The following LINGO1 variants were observed in gnomAD, a reference collection of about 807,000 sequenced individuals.
LINGO1 encodes the protein leucine-rich repeat and immunoglobulin-like domain-containing nogo receptor-interacting protein 1.
A neutral mutation model predicts 37.3 loss-of-function variants in LINGO1; 11 were observed. The ratio of observed to expected loss-of-function variants is 0.29; its 90% confidence interval spans 0.19 to 0.49. LINGO1 has a LOEUF of 0.49. LINGO1 is among the 20% of genes least tolerant of loss of function. LINGO1 has a pLI of 0.99. For missense variants in LINGO1, 585 were observed against 878.2 expected, an observed-to-expected ratio of 0.67 and a Z score of 4.22; for synonymous variants, 387 against 403.0, an observed-to-expected ratio of 0.96 and a Z score of 0.48.
rs528022802 is a variant in LINGO1 at position 77,811,342 on chromosome 15, AG to A, written c.-458+8915del. Among the ~76,000 whole-genome samples the A allele has an allele frequency of 8.5e-5, 13 of 152,356 alleles. No homozygotes were observed. The South Asian group carries it at 2.5e-3, about 29-fold the overall frequency. ...ACAAGAGAGATAATTAACCTAAAAGAGGGTCACTTCCTGTTTCCAGGTGGAC... is the reference window on the plus strand; with the variant it reads ...ACAAGAGAGATAATTAACCTAAAAGAGGTCACTTCCTGTTTCCAGGTGGAC... On this transcript the variant is annotated intron_variant, in intron 1 of 5. Coordinates refer to the LINGO1 transcript ENST00000562933.
intron 1 of LINGO1, among the ~76,000 whole-genome samples, chr15:77,691,720 A>G (rs1022647489): frequency 6.6e-6 from 1 of 151,520 alleles, no homozygotes; most frequent in African/African-American, 2.4e-5. Context: ...ACACTCCACG[A>G]CAGAGATGAC....
chr15:77,813,524 T>C (rs560429218), intron 1 of LINGO1, among the ~76,000 whole-genome samples: 1 of 152,248 alleles, frequency 6.6e-6, no homozygotes, highest in East Asian at 1.9e-4. Context: ...GGAAGGTCTG[T>C]CCATGGTTTC....
chr15:77,763,768 C>G (rs188128419), intron 1 of LINGO1, among the ~76,000 whole-genome samples: 102 of 152,270 alleles, frequency 6.7e-4, no homozygotes, highest in Non-Finnish European at 1.1e-3. Flanking sequence ...CCTGAGGGTC[C>G]GGAGCTGTTA....
intron 1 of LINGO1, among the ~76,000 whole-genome samples, chr15:77,769,926 G>C (rs2076567580): frequency 6.6e-6 from 1 of 152,180 alleles, no homozygotes; most frequent in Non-Finnish European, 1.5e-5. Flanking sequence ...AAGAAACCGA[G>C]ACTCAGTGTG....
chr15:77,769,653 C>T (rs990615509), intron 1 of LINGO1, among the ~76,000 whole-genome samples: 1 of 152,120 alleles, frequency 6.6e-6, no homozygotes, highest in Non-Finnish European at 1.5e-5. Flanking sequence ...CTGCCAAGCA[C>T]CTCAGCCCCC....
rs552501696 is a variant in LINGO1 at position 77,816,250 on chromosome 15, C to T, written c.-458+4008G>A. On this transcript the variant is annotated intron_variant, in intron 1 of 5. Coordinates refer to the LINGO1 transcript ENST00000562933. ...AGGGGCCCAGGCTCATCACTGGTAT[C>T]CCCAGCACTCAGTCCAGGTCTCAAG... Among the ~76,000 whole-genome samples, 38 of 152,328 alleles carry T rather than the reference C, an allele frequency of 2.5e-4. 1 individual carries two copies. The highest frequency in any genetic ancestry group is 4.6e-4 in the Admixed American group (7 of 15,308).
At chr15:77,674,627 T>C (rs1403928637) in intron 3 of LINGO1, among the ~76,000 whole-genome samples, 1 of 152,086 alleles carries the variant, frequency 6.6e-6, no homozygotes, top group Non-Finnish European at 1.5e-5. Context: ...CTGTTCCCTC[T>C]GTTTGGAAGG....
At chr15:77,715,506 A>G (rs186538058) in intron 2 of LINGO1, among the ~76,000 whole-genome samples, 147 of 152,336 alleles carry the variant, frequency 9.6e-4, no homozygotes, top group African/African-American at 3.4e-3. Context: ...TTGGGCCACA[A>G]GAAGAGTGGA....
chr15:77,802,926 C>T (rs1468256568), intron 1 of LINGO1, among the ~76,000 whole-genome samples: 1 of 152,208 alleles, frequency 6.6e-6, no homozygotes, highest in East Asian at 1.9e-4. Context: ...TGGGGCCCAT[C>T]CCCAAGTGGC....
Position 77,613,423 on chromosome 15 carries a change from C to G in LINGO1, c.*621G>C, listed in dbSNP as rs1274024910. 2.6e-5 allele frequency: 4 copies of G among 154,224 alleles called. No homozygotes were observed. Among genetic ancestry groups the G allele is most frequent in the Non-Finnish European group, 4.3e-5 (3 of 69,376 alleles). 9.6% of individuals were successfully genotyped at this position (154,224 alleles called of 1,614,324 possible). The stretch of plus-strand genomic sequence containing the variant: ...CCCTCCACCTGCGCCCTGCAAAAAG[C>G]CAGCCCGGAGCTGGGCCCAGGCCTG... On this transcript the variant is annotated 3_prime_UTR_variant, in exon 2 of 2. Transcript: ENST00000355300.
intron 1 of LINGO1, among the ~76,000 whole-genome samples, chr15:77,819,077 C>G (rs1406682320): frequency 6.6e-6 from 1 of 151,162 alleles, no homozygotes; most frequent in African/African-American, 2.4e-5. Context: ...GCCGAGCACG[C>G]CCCCTCCCAG....
At chr15:77,752,843 T>C (rs564735413) in intron 1 of LINGO1, among the ~76,000 whole-genome samples, 1 of 152,280 alleles carries the variant, frequency 6.6e-6, no homozygotes, top group East Asian at 1.9e-4. Context: ...CCTGAGCCCA[T>C]TGGATGGACT....
At chr15:77,750,721 T>C (rs1305460394) in intron 1 of LINGO1, among the ~76,000 whole-genome samples, 1 of 152,230 alleles carries the variant, frequency 6.6e-6, no homozygotes, top group African/African-American at 2.4e-5. Flanking sequence ...CCCAAAGATA[T>C]TTTTTCACTC....
chr15:77,672,926 A>G (rs775365338), intron 3 of LINGO1, among the ~76,000 whole-genome samples: 2 of 152,160 alleles, frequency 1.3e-5, no homozygotes, highest in Non-Finnish European at 2.9e-5. Context: ...CTCCCCAGGC[A>G]AAGATCAATG....
At chr15:77,625,068 C>T (rs1253974802) in intron 1 of LINGO1, among the ~76,000 whole-genome samples, 1 of 152,210 alleles carries the variant, frequency 6.6e-6, no homozygotes, top group Non-Finnish European at 1.5e-5. Context: ...CTCTCTGCAG[C>T]CCCAGCCGTC....
chr15:77,807,436 C>T (rs2141473267), intron 1 of LINGO1, among the ~76,000 whole-genome samples: 1 of 152,332 alleles, frequency 6.6e-6, no homozygotes, highest in East Asian at 1.9e-4. Flanking sequence ...CCGGGTGCAG[C>T]AGCCAGTCCT....
At chr15:77,704,577 C>T (rs1483243856) in intron 2 of LINGO1, among the ~76,000 whole-genome samples, 2 of 150,636 alleles carry the variant, frequency 1.3e-5, no homozygotes, top group African/African-American at 5.0e-5. Context: ...ACACTGAGCT[C>T]TGACCCTGGT....
chr15:77,726,318 T>C (rs906577428), intron 2 of LINGO1, among the ~76,000 whole-genome samples: 7 of 152,206 alleles, frequency 4.6e-5, no homozygotes, highest in Non-Finnish European at 1.0e-4. Flanking sequence ...ATCCCTGCAG[T>C]GGGCTGCCTC....
At chr15:77,717,477 C>T (rs535094399) in intron 2 of LINGO1, among the ~76,000 whole-genome samples, 1 of 150,850 alleles carries the variant, frequency 6.6e-6, no homozygotes, top group Non-Finnish European at 1.5e-5. Flanking sequence ...CACCCCAGCC[C>T]TGCTCACAGT....
Sources: gnomAD v4.1 joint callset for allele counts (sites outside exome capture counted in the v4.1 genomes callset) on GRCh38, gnomAD v4.1.1 for gene constraint, MANE v1.5 for transcripts, NCBI Gene and HGNC (gene_info 2026-07-23, HGNC 2026-07-21) for gene names.